Variants in DPYD observed in about 807,000 individuals in gnomAD.
DPYD encodes dihydropyrimidine dehydrogenase [NADP(+)].
A neutral mutation model predicts 116.2 loss-of-function variants in DPYD; 109 were observed. The ratio of observed to expected loss-of-function variants is 0.94; its 90% CI spans 0.80 to 1.10. The LOEUF (loss-of-function observed/expected upper bound fraction) is 1.10. DPYD is among the 50% of genes least tolerant of loss of function. The pLI is 0.00. For synonymous variants in DPYD, 440 were observed against 432.0 expected (o/e 1.02, Z -0.23); for missense variants, 1,302 against 1,254.5 (o/e 1.04, Z -0.57).
At chr1:97,786,089 A>C (rs1045516479) in intron 3 of DPYD, among the ~76,000 whole-genome samples, 2 of 151,274 alleles carry the variant, frequency 1.3e-5, no homozygotes, top group Non-Finnish European at 2.9e-5. Flanking sequence ...AAAAAAAAAG[A>C]AAGAAAAGGG....
intron 15 of DPYD, among the ~76,000 whole-genome samples, chr1:97,375,045 A>AAT (rs1412035119): frequency 6.6e-6 from 1 of 151,736 alleles, no homozygotes; most frequent in Non-Finnish European, 1.5e-5. Flanking sequence ...AAAAAAAAAA[A>AAT]AAAGTTATTA....
chr1:97,234,730 G>T, intron 19 of DPYD, 122 bp downstream of exon 19: 1 of 1,235,722 alleles, frequency 8.1e-7, no homozygotes, highest in Non-Finnish European at 1.1e-6. Context: ...CTGCCATTTT[G>T]ATCCCAAATG....
intron 20 of DPYD, among the ~76,000 whole-genome samples, chr1:97,137,041 G>A (rs1009986166): frequency 6.6e-6 from 1 of 152,206 alleles, no homozygotes; most frequent in African/African-American, 2.4e-5. Flanking sequence ...TTCCAGTGGA[G>A]CCTAAGGATA....
intron 16 of DPYD, among the ~76,000 whole-genome samples, chr1:97,361,942 A>C (rs1670749213): frequency 6.6e-6 from 1 of 152,256 alleles, no homozygotes; most frequent in African/African-American, 2.4e-5. Context: ...TAGTGTTGGA[A>C]GTTCTGGCCA....
chr1:97,529,422 A>G (rs559931727), intron 12 of DPYD, among the ~76,000 whole-genome samples: 1 of 152,254 alleles, frequency 6.6e-6, no homozygotes, highest in South Asian at 2.1e-4. Context: ...TTCACTAAAC[A>G]TTGTTTTGTT....
intron 20 of DPYD, among the ~76,000 whole-genome samples, chr1:97,191,807 T>G (rs1379545910): frequency 6.6e-6 from 1 of 152,182 alleles, no homozygotes; most frequent in Admixed American, 6.6e-5. Context: ...TTTGTGAATT[T>G]TTTTTAGTTA....
chr1:97,914,007 T>G (rs958542207), intron 1 of DPYD, among the ~76,000 whole-genome samples: 1 of 152,004 alleles, frequency 6.6e-6, no homozygotes, highest in Admixed American at 6.6e-5. Context: ...CAGTCAAGAG[T>G]GCCTCAAGGG....
At chr1:97,233,819 A>G (rs1476048184) in intron 19 of DPYD, among the ~76,000 whole-genome samples, 2 of 152,146 alleles carry the variant, frequency 1.3e-5, no homozygotes, top group African/African-American at 4.8e-5. Context: ...CATCAGTTTT[A>G]CATATAAGGG....
chr1:97,562,891 TG>T, intron 11 of DPYD, among the ~76,000 whole-genome samples: 1 of 152,062 alleles, frequency 6.6e-6, no homozygotes, highest in East Asian at 1.9e-4. Flanking sequence ...GGCTAATTTT[TG>T]TTTTTTCAGT....
At position 97,094,358 on chromosome 1, in the gene DPYD, G is replaced by T. The variant is rs75117539; in HGVS notation, c.2766+4131C>A. ...AATGGATTAGATAAGGAGGACAAAA[G>T]AAAGCAGGACAGTTAATATAATGTT... On this transcript the variant is annotated intron_variant, in intron 21 of 22. Coordinates refer to ENST00000370192, the MANE Select transcript of DPYD (RefSeq NM_000110.4). Among the ~76,000 whole-genome samples, 8 of 152,256 alleles carry T rather than the reference G, an allele frequency of 5.3e-5. No individual in the cohort carries two copies. The East Asian group carries it at 1.5e-3, about 29-fold the overall frequency.
At chr1:97,303,858 G>A (rs902141903) in intron 18 of DPYD, among the ~76,000 whole-genome samples, 2 of 151,906 alleles carry the variant, frequency 1.3e-5, no homozygotes, top group African/African-American at 4.8e-5. Flanking sequence ...TAGAAATAGA[G>A]TTTTATGGAA....
In DPYD at chr1:97,203,671, C is replaced by A. The variant is rs1254410145; in HGVS notation, c.2443-10423G>T. Among the ~76,000 whole-genome samples, 5 of 58,534 alleles carry A rather than the reference C, an allele frequency of 8.5e-5. 1 individual carries two copies. The highest frequency in any genetic ancestry group is 1.0e-4 in the Non-Finnish European group (3 of 28,836). 38.4% of individuals were successfully genotyped at this position (58,534 alleles called of 152,430 possible). A position where few individuals can be genotyped will look rare whatever the true frequency, so the allele number is the denominator to read the frequency against. ...TAAAGGATGAGTTCAGACCCCCCCC[C>A]CCCAAAAAAAAAAAAAGAGAAAAAG... On this transcript the variant is annotated intron_variant, in intron 19 of 22. Transcript: ENST00000370192.
chr1:97,191,379 C>T lies in DPYD; in HGVS notation c.2622+1690G>A, dbSNP rs75571864. ...CCAGAAGCACAAATCTATTACCAGA[C>T]CATCTGCTTATTCCTCAAGTTAGTG... On this transcript the variant is annotated intron_variant, in intron 20 of 22. Coordinates refer to ENST00000370192, the MANE Select transcript of DPYD (RefSeq NM_000110.4). Among the ~76,000 whole-genome samples the T allele has an allele frequency of 1.0e-3, 154 of 152,202 alleles. 1 individual carries two copies. The East Asian group carries it at 0.026, about 26-fold the overall frequency.
chr1:97,413,790 G>A (rs138296871), intron 14 of DPYD, among the ~76,000 whole-genome samples: 1 of 151,864 alleles, frequency 6.6e-6, no homozygotes, highest in East Asian at 1.9e-4. Context: ...CAAGCTACTC[G>A]TAATTATACC....
chr1:97,115,440 A>C (rs1651897930), intron 20 of DPYD, among the ~76,000 whole-genome samples: 1 of 152,214 alleles, frequency 6.6e-6, no homozygotes, highest in Non-Finnish European at 1.5e-5. Context: ...GGCCATTTCA[A>C]AGAGAAGCAC....
intron 16 of DPYD, among the ~76,000 whole-genome samples, chr1:97,329,767 G>A (rs758486928): frequency 2.0e-4 from 28 of 142,026 alleles, no homozygotes; most frequent in Non-Finnish European, 4.0e-4. Context: ...AAAAAAAAAA[G>A]GAAAGAAATA....
chr1:97,304,589 A>G (rs1388701459), intron 18 of DPYD, among the ~76,000 whole-genome samples: 1 of 152,044 alleles, frequency 6.6e-6, no homozygotes, highest in South Asian at 2.1e-4. Context: ...CACTTTCTCT[A>G]TCACCAAGGA....
At chr1:97,918,474 A>T (rs996181164) in intron 1 of DPYD, among the ~76,000 whole-genome samples, 6 of 152,206 alleles carry the variant, frequency 3.9e-5, no homozygotes, top group African/African-American at 1.2e-4. Flanking sequence ...AGGTCCTATT[A>T]CCAAGTAACA....
chr1:97,918,473 T>A (rs541957164), intron 1 of DPYD, among the ~76,000 whole-genome samples: 6 of 152,220 alleles, frequency 3.9e-5, no homozygotes, highest in African/African-American at 1.2e-4. Flanking sequence ...TAGGTCCTAT[T>A]ACCAAGTAAC....
Sources: allele counts gnomAD v4.1 joint callset (sites outside exome capture counted in the v4.1 genomes callset), GRCh38; gene constraint gnomAD v4.1.1; transcripts MANE v1.5; gene names NCBI Gene and HGNC (gene_info 2026-07-23, HGNC 2026-07-21).